Variants in CSNK1A1 observed in about 807,000 individuals in gnomAD.
The protein encoded by CSNK1A1 is casein kinase I isoform alpha.
CSNK1A1 carries 7 observed loss-of-function variants against 46.1 expected under a neutral mutation model. The observed-to-expected ratio is 0.15, with a 90% CI of 0.09 to 0.29. CSNK1A1 has a LOEUF of 0.29. Ranked by LOEUF, CSNK1A1 falls within the 10% of genes least tolerant of loss-of-function variation. The probability of loss-of-function intolerance (pLI) is 1.00; values close to 1 mark genes in which losing one functional copy is unlikely to be tolerated. For synonymous variants in CSNK1A1, 137 were observed against 141.5 expected, an observed-to-expected ratio of 0.97 and a Z score of 0.23; for missense variants, 96 against 417.1, an observed-to-expected ratio of 0.23 and a Z score of 6.71.
intron 9 of CSNK1A1, among the ~76,000 whole-genome samples, chr5:149,500,118 G>T (rs1760792949): frequency 6.8e-6 from 1 of 147,736 alleles, no homozygotes; most frequent in Non-Finnish European, 1.5e-5. Flanking sequence ...ACAGGCACCC[G>T]CCACTACGCC....
In CSNK1A1 at chr5:149,498,695, A is replaced by T. The variant is rs1349315464; in HGVS notation, c.1007-1835T>A. The T allele has an allele frequency of 3.0e-6, 3 of 985,282 alleles. No homozygotes were observed. The Admixed American group carries it at 1.8e-4, about 61-fold the overall frequency. 61.0% of individuals were successfully genotyped at this position (985,282 alleles called of 1,614,324 possible). A position where few individuals can be genotyped will look rare whatever the true frequency, so the allele number is the denominator to read the frequency against. ...ATTTAAAAAACGTATTTTCACAACTACTAAAATTGCTGGGTTTTATCATAG... is the reference window on the plus strand; with the variant it reads ...ATTTAAAAAACGTATTTTCACAACTTCTAAAATTGCTGGGTTTTATCATAG... On this transcript the variant is annotated intron_variant, in intron 9 of 9. Coordinates refer to ENST00000377843, the MANE Select transcript of CSNK1A1 (RefSeq NM_001892.6).
Position 149,549,921 on chromosome 5 carries a change from T to C in CSNK1A1, c.230+154A>G, listed in dbSNP as rs111675901. On this transcript the variant is annotated intron_variant, in intron 2 of 9. Transcript: ENST00000377843. The stretch of plus-strand genomic sequence containing the variant: ...GGCAAACTGAAATTTACTCAGTAAT[T>C]GAGATGACTGACTTACAGGAAACCA... Among the ~76,000 whole-genome samples the C allele has an allele frequency of 8.1e-4, 123 of 152,254 alleles. 2 individuals carry two copies. Among genetic ancestry groups the C allele is most frequent in the African/African-American group, 2.7e-3 (114 of 41,528 alleles).
intron 2 of CSNK1A1, among the ~76,000 whole-genome samples, chr5:149,530,740 G>C (rs1325223929): frequency 6.6e-6 from 1 of 152,036 alleles, no homozygotes; most frequent in Non-Finnish European, 1.5e-5. Flanking sequence ...AGCCGAGGCG[G>C]GCGGATCATG....
At chr5:149,538,377 A>T (rs1052814636) in intron 2 of CSNK1A1, among the ~76,000 whole-genome samples, 2 of 152,224 alleles carry the variant, frequency 1.3e-5, no homozygotes, top group African/African-American at 2.4e-5. Context: ...GTGAATGTCA[A>T]CTGAATGAAA....
chr5:149,540,768 A>T (rs879870638), intron 2 of CSNK1A1, among the ~76,000 whole-genome samples: 1 of 152,190 alleles, frequency 6.6e-6, no homozygotes, highest in Non-Finnish European at 1.5e-5. Context: ...TGTAGGTTAC[A>T]CCAACATATG....
intron 2 of CSNK1A1, chr5:149,545,569 A>G: frequency 1.4e-6 from 1 of 719,750 alleles, no homozygotes. Flanking sequence ...AAGTCAATCG[A>G]GTTCGCAGCT....
chr5:149,536,039 T>C (rs999523063), intron 2 of CSNK1A1, among the ~76,000 whole-genome samples: 2 of 151,992 alleles, frequency 1.3e-5, no homozygotes, highest in African/African-American at 4.8e-5. Context: ...CCACAATCTC[T>C]GCCTTCTGGG....
chr5:149,542,591 T>C (rs1762271154), intron 2 of CSNK1A1, among the ~76,000 whole-genome samples: 1 of 37,656 alleles, frequency 2.7e-5, no homozygotes, highest in Non-Finnish European at 5.1e-5. Flanking sequence ...GAGATACAAA[T>C]TTATATATAT....
rs889171970 is a variant in CSNK1A1, at chr5:149,549,586, A to T, written c.230+489T>A. On this transcript the variant is annotated intron_variant, in intron 2 of 9. Coordinates refer to ENST00000377843, the MANE Select transcript of CSNK1A1 (RefSeq NM_001892.6). ...AAGGGCAGGAATATGGGGTTGAGTC[A>T]CGTCGTTCCGCCATTTTCTAAGCGG... 3 of 678,082 alleles carry T rather than the reference A, an allele frequency of 4.4e-6. No individual in the cohort carries two copies. The Admixed American group carries it at 6.1e-5, about 14-fold the overall frequency. The allele number at this position is 678,082 out of a possible 1,614,324, so 42.0% of individuals were successfully genotyped here.
At chr5:149,541,519 T>C (rs2113176704) in intron 2 of CSNK1A1, among the ~76,000 whole-genome samples, 1 of 152,110 alleles carries the variant, frequency 6.6e-6, no homozygotes, top group East Asian at 1.9e-4. Flanking sequence ...AGTAACACAA[T>C]AAAGCATCAT....
intron 2 of CSNK1A1, among the ~76,000 whole-genome samples, chr5:149,534,539 C>T (rs980645645): frequency 9.4e-5 from 14 of 148,740 alleles, no homozygotes; most frequent in Non-Finnish European, 1.5e-4. Context: ...AGCACCTGGG[C>T]TAAATTTTGA....
At chr5:149,549,067 T>C (rs368527419) in intron 2 of CSNK1A1, among the ~76,000 whole-genome samples, 1 of 152,220 alleles carries the variant, frequency 6.6e-6, no homozygotes, top group Non-Finnish European at 1.5e-5. Context: ...TATCTCGTCA[T>C]CTTTTATCCT....
intron 2 of CSNK1A1, among the ~76,000 whole-genome samples, chr5:149,539,497 T>C (rs1191153190): frequency 1.3e-5 from 2 of 150,982 alleles, no homozygotes; most frequent in Non-Finnish European, 2.9e-5. Flanking sequence ...GAAAAGAGTA[T>C]AGCCTTATTA....
intron 2 of CSNK1A1, among the ~76,000 whole-genome samples, chr5:149,542,297 G>A (rs1286270665): frequency 6.6e-6 from 1 of 151,970 alleles, no homozygotes; most frequent in African/African-American, 2.4e-5. Flanking sequence ...TTGCAGGAAA[G>A]CAAGCCCAGG....
intron 2 of CSNK1A1, among the ~76,000 whole-genome samples, chr5:149,529,179 G>A (rs531245711): frequency 5.3e-5 from 8 of 152,040 alleles, no homozygotes; most frequent in East Asian, 3.9e-4. Flanking sequence ...TAAAATGTTC[G>A]GGGATCTCAT....
intron 2 of CSNK1A1, chr5:149,529,588 G>A (rs1054124721): frequency 1.2e-5 from 5 of 418,676 alleles, no homozygotes; most frequent in Non-Finnish European, 1.9e-5. Flanking sequence ...GATAAGTAAG[G>A]CAGAAAAGGG....
chr5:149,537,235 G>C (rs912017481), intron 2 of CSNK1A1, among the ~76,000 whole-genome samples: 1 of 152,026 alleles, frequency 6.6e-6, no homozygotes, highest in Non-Finnish European at 1.5e-5. Flanking sequence ...AATTAGCCGG[G>C]TGCAGTAGTG....
intron 2 of CSNK1A1, among the ~76,000 whole-genome samples, chr5:149,538,006 T>C (rs898287698): frequency 4.8e-5 from 7 of 146,324 alleles, no homozygotes; most frequent in Non-Finnish European, 9.0e-5. Flanking sequence ...TTCAATGAAG[T>C]GTGCCCAGTT....
chr5:149,531,781 G>A (rs963001635), intron 2 of CSNK1A1, among the ~76,000 whole-genome samples: 3 of 151,050 alleles, frequency 2.0e-5, no homozygotes. Context: ...AGACGCTGCA[G>A]TGGGCCGAGC....
Sources: gnomAD v4.1 joint callset for allele counts (sites outside exome capture counted in the v4.1 genomes callset) on GRCh38, gnomAD v4.1.1 for gene constraint, MANE v1.5 for transcripts, NCBI Gene and HGNC (gene_info 2026-07-23, HGNC 2026-07-21) for gene names.